Variants in CARMIL1 observed in about 807,000 individuals in gnomAD.
CARMIL1 encodes the protein capping protein regulator and myosin 1 linker 1, also known as F-actin-uncapping protein LRRC16A.
A neutral mutation model predicts 177.1 loss-of-function variants in CARMIL1; 90 were observed. That is an observed-to-expected ratio of 0.51 (90% CI 0.43 to 0.61). CARMIL1 has a LOEUF of 0.61. CARMIL1 is among the 20% of genes least tolerant of loss of function. The pLI is 0.00. For missense variants in CARMIL1, 1,380 were observed against 1,667.0 expected (o/e 0.83, Z 3.00); for synonymous variants, 577 against 606.2 (o/e 0.95, Z 0.71).
At chr6:25,581,174 T>C in intron 30 of CARMIL1, 69 bp from the exon 31 acceptor site, 1 of 1,458,218 alleles carries the variant, frequency 6.9e-7, no homozygotes, top group Non-Finnish European at 9.3e-7. Context: ...TTTAGGAATT[T>C]TTTATCCATC....
intron 16 of CARMIL1, 47 bp from the exon 17 acceptor site, chr6:25,500,119 G>T (rs759155715): frequency 3.9e-6 from 6 of 1,542,224 alleles, no homozygotes; most frequent in Non-Finnish European, 5.4e-6. Context: ...TTTTCTTTTG[G>T]GCAGTGTGTG....
At chr6:25,357,443 A>G (rs56930318) in intron 2 of CARMIL1, among the ~76,000 whole-genome samples, 17,454 of 152,080 alleles carry the variant, frequency 0.11, 1,133 homozygotes, top group African/African-American at 0.18. Context: ...AATTAGCCGG[A>G]TGTGTTGGTA....
chr6:25,316,140 T>C (rs1421136872), intron 2 of CARMIL1, among the ~76,000 whole-genome samples: 2 of 152,226 alleles, frequency 1.3e-5, no homozygotes, highest in African/African-American at 4.8e-5. Context: ...AACTGAGAAA[T>C]GCTTCTAATG....
intron 17 of CARMIL1, among the ~76,000 whole-genome samples, chr6:25,506,730 A>G (rs570407491): frequency 7.9e-5 from 12 of 152,332 alleles, no homozygotes; most frequent in Middle Eastern, 3.4e-3. Flanking sequence ...ATTTCCCAGG[A>G]TAAAAATTAA....
chr6:25,431,491 T>G (rs1202489764), intron 4 of CARMIL1, among the ~76,000 whole-genome samples: 1 of 151,902 alleles, frequency 6.6e-6, no homozygotes, highest in Non-Finnish European at 1.5e-5. Context: ...TGGTCAAACA[T>G]ATGCAGGAGT....
At position 25,326,573 on chromosome 6, in the gene CARMIL1, G is replaced by A. The variant is rs1051145620; in HGVS notation, c.138+41664G>A. ...CCCTATCAGAATGACCTGGAAACCT[G>A]TAAGAAATGCATACTTCAAGTCTTA... is the stretch of plus-strand genomic sequence containing the variant. On this transcript the variant is annotated intron_variant, in intron 2 of 36. Coordinates refer to ENST00000329474, the MANE Select transcript of CARMIL1 (RefSeq NM_017640.6). This position sits in a 1 kb window ranked among gnomAD's most constrained non-coding sequence, Gnocchi z 4.2. Among the ~76,000 whole-genome samples, 8 of 152,170 alleles carry A rather than the reference G, an allele frequency of 5.3e-5. No homozygotes were observed. Among genetic ancestry groups the A allele is most frequent in the African/African-American group, 1.9e-4 (8 of 41,446 alleles).
At position 25,607,950 on chromosome 6, in the gene CARMIL1, G is replaced by A. The variant is rs112316348; in HGVS notation, c.3847+1677G>A. 3.3e-5 allele frequency among the ~76,000 whole-genome samples: 5 copies of A among 152,248 alleles called. 1 individual carries two copies. Among genetic ancestry groups the A allele is most frequent in the African/African-American group, 1.2e-4 (5 of 41,544 alleles). On this transcript the variant is annotated intron_variant, in intron 35 of 36. Transcript: ENST00000329474. ...TTTTTCCCAAACCAAAGTTTATGATGGGGAACACAAAAAATTTCTTGGTCC... is the reference window on the plus strand; with the variant it reads ...TTTTTCCCAAACCAAAGTTTATGATAGGGAACACAAAAAATTTCTTGGTCC...
intron 33 of CARMIL1, among the ~76,000 whole-genome samples, chr6:25,603,615 G>GT: frequency 6.6e-6 from 1 of 152,304 alleles, no homozygotes; most frequent in African/African-American, 2.4e-5. Flanking sequence ...CAGAAGCATG[G>GT]GATGAGCAGG....
At chr6:25,601,217 C>A (rs763433142) in intron 33 of CARMIL1, among the ~76,000 whole-genome samples, 12 of 152,146 alleles carry the variant, frequency 7.9e-5, no homozygotes, top group Non-Finnish European at 1.8e-4. Flanking sequence ...TGCTAAAGAA[C>A]CTGGAGCACA....
At chr6:25,470,034 A>G (rs1800964355) in intron 9 of CARMIL1, among the ~76,000 whole-genome samples, 1 of 152,316 alleles carries the variant, frequency 6.6e-6, no homozygotes, top group South Asian at 2.1e-4. Context: ...TACTCATTTT[A>G]ATTGTTGTAA....
In CARMIL1 at chr6:25,441,337, A is replaced by ATATATATATG; in HGVS notation, c.371+5734_371+5735insATATATATGT. ...CAAACAAACATATATATATATATAT[A>ATATATATATG]TGTGTGTGTGTGTGTGTGTGTGTGT... On this transcript the variant is annotated intron_variant, in intron 5 of 36. Coordinates refer to ENST00000329474, the MANE Select transcript of CARMIL1 (RefSeq NM_017640.6). Among the ~76,000 whole-genome samples the ATATATATATG allele has an allele frequency of 4.3e-3, 405 of 94,520 alleles. 3 individuals are homozygous for ATATATATATG. The highest frequency in any genetic ancestry group is 0.016 in the Middle Eastern group (3 of 186). The allele number at this position is 94,520 out of a possible 152,430, so 62.0% of individuals were successfully genotyped here. A position where few individuals can be genotyped will look rare whatever the true frequency, so the allele number is the denominator to read the frequency against.
chr6:25,490,153 G>A (rs78649083), intron 13 of CARMIL1, among the ~76,000 whole-genome samples: 346 of 152,238 alleles, frequency 2.3e-3, no homozygotes, highest in African/African-American at 7.6e-3. Context: ...GCAGGTGCAG[G>A]AGTTTACCTG....
intron 8 of CARMIL1, among the ~76,000 whole-genome samples, chr6:25,459,274 T>TTCTCTTTCTTTCTTTCTTTCTTTC (rs1302680954): frequency 1.6e-4 from 5 of 30,988 alleles, no homozygotes; most frequent in East Asian, 1.5e-3. Context: ...TTCTTTTTTT[T>TTCTCTTTCTTTCTTTCTTTCTTTC]TTTTTTAAGA....
chr6:25,459,266 C>CTTT (rs769702901), intron 8 of CARMIL1, among the ~76,000 whole-genome samples: 27 of 73,760 alleles, frequency 3.7e-4, no homozygotes, highest in Non-Finnish European at 5.9e-4. Context: ...TTCTTTCTTT[C>CTTT]TTTTTTTTTT....
chr6:25,405,226 T>C (rs543073989), intron 2 of CARMIL1, among the ~76,000 whole-genome samples: 8 of 152,364 alleles, frequency 5.3e-5, no homozygotes, highest in Admixed American at 2.6e-4. Context: ...GAAAATATTC[T>C]CTATTTTTAA....
At chr6:25,475,898 C>T (rs1048832483) in intron 11 of CARMIL1, among the ~76,000 whole-genome samples, 5 of 152,188 alleles carry the variant, frequency 3.3e-5, no homozygotes, top group African/African-American at 1.2e-4. Context: ...ATAGCACTTA[C>T]TTCATTCTGC....
chr6:25,515,398 C>T lies in CARMIL1; in HGVS notation c.1633-277C>T, dbSNP rs1011747619. 2.6e-5 allele frequency among the ~76,000 whole-genome samples: 4 copies of T among 152,118 alleles called. No homozygotes were observed. Among genetic ancestry groups the T allele is most frequent in the African/African-American group, 7.2e-5 (3 of 41,418 alleles). ...TTATTTCATCCTATCCTCTGCTTCA[C>T]GCTGGCAGTTGTCAGCCTGCATGTC... On this transcript the variant is annotated intron_variant, in intron 20 of 36. Coordinates refer to ENST00000329474, the MANE Select transcript of CARMIL1 (RefSeq NM_017640.6). The surrounding 1 kb of genome is among the most constrained non-coding windows in gnomAD (Gnocchi z 5.0).
At chr6:25,377,768 T>C (rs1355238132) in intron 2 of CARMIL1, among the ~76,000 whole-genome samples, 2 of 152,174 alleles carry the variant, frequency 1.3e-5, no homozygotes, top group African/African-American at 2.4e-5. Context: ...ACATGACTTT[T>C]CTCCTTCCTG....
intron 2 of CARMIL1, among the ~76,000 whole-genome samples, chr6:25,316,998 G>C (rs1226163584): frequency 6.6e-6 from 1 of 152,194 alleles, no homozygotes; most frequent in Admixed American, 6.5e-5. Context: ...AAGTTGAGCA[G>C]AGAGGGAATG....
Sources: gnomAD v4.1 joint callset for allele counts (sites outside exome capture counted in the v4.1 genomes callset) on GRCh38, gnomAD v4.1.1 for gene constraint, Gnocchi (gnomAD v3.1) non-coding constraint, MANE v1.5 for transcripts, NCBI Gene and HGNC (gene_info 2026-07-23, HGNC 2026-07-21) for gene names.